Variants in DPP10 observed in about 807,000 individuals in gnomAD.
The protein encoded by DPP10 is dipeptidyl peptidase like 10, also known as inactive dipeptidyl peptidase 10.
DPP10 carries 33 observed loss-of-function variants against 120.9 expected under a neutral mutation model. The ratio of observed to expected loss-of-function variants is 0.27; its 90% confidence interval spans 0.21 to 0.37. DPP10 has a LOEUF of 0.37. DPP10 is among the 10% of genes least tolerant of loss of function. DPP10 has a pLI of 1.00. For missense variants in DPP10, 816 were observed against 942.8 expected (o/e 0.87, Z 1.76); for synonymous variants, 337 against 326.1 (o/e 1.03, Z -0.36).
chr2:114,901,799 T>G (rs1303976835), intron 1 of DPP10, among the ~76,000 whole-genome samples: 3 of 152,144 alleles, frequency 2.0e-5, no homozygotes, highest in Non-Finnish European at 4.4e-5. Context: ...AACCTTAAGC[T>G]CTTTCTTCAA....
intron 3 of DPP10, among the ~76,000 whole-genome samples, chr2:115,441,897 C>A: frequency 6.7e-6 from 1 of 148,902 alleles, no homozygotes. Flanking sequence ...CTCACTTCAA[C>A]CTCCACTTCC....
At chr2:115,432,079 C>G (rs1007577693) in intron 3 of DPP10, among the ~76,000 whole-genome samples, 1 of 151,996 alleles carries the variant, frequency 6.6e-6, no homozygotes, top group Non-Finnish European at 1.5e-5. Context: ...AAAAGCAAAC[C>G]AAACAGAATT....
chr2:115,332,016 T>G, intron 2 of DPP10, among the ~76,000 whole-genome samples: 1 of 152,210 alleles, frequency 6.6e-6, no homozygotes, highest in East Asian at 1.9e-4. Flanking sequence ...CTTCTCCTTG[T>G]ACGTCTGGTA....
At chr2:115,010,710 C>T (rs771146926) in intron 1 of DPP10, among the ~76,000 whole-genome samples, 35 of 152,248 alleles carry the variant, frequency 2.3e-4, no homozygotes, top group Non-Finnish European at 4.3e-4. Flanking sequence ...CTCCAAAAAT[C>T]CATCATTTTA....
chr2:115,675,633 C>G (rs1480798964), intron 5 of DPP10, among the ~76,000 whole-genome samples: 1 of 152,142 alleles, frequency 6.6e-6, no homozygotes, highest in Non-Finnish European at 1.5e-5. Flanking sequence ...GCCCCAAAGC[C>G]CACATTTTGA....
intron 15 of DPP10, among the ~76,000 whole-genome samples, chr2:115,778,111 C>A (rs1391283935): frequency 6.6e-6 from 1 of 152,078 alleles, no homozygotes; most frequent in Non-Finnish European, 1.5e-5. Flanking sequence ...TTATTTCTCT[C>A]AACTCTCCAC....
chr2:115,374,432 G>A (rs1328372181), intron 3 of DPP10, among the ~76,000 whole-genome samples: 1 of 152,190 alleles, frequency 6.6e-6, no homozygotes, highest in South Asian at 2.1e-4. Flanking sequence ...TCATAGGCTG[G>A]CAATGAGTGC....
intron 1 of DPP10, among the ~76,000 whole-genome samples, chr2:115,281,866 T>C (rs2060170629): frequency 6.6e-6 from 1 of 152,118 alleles, no homozygotes; most frequent in Non-Finnish European, 1.5e-5. Flanking sequence ...TATAATAAAA[T>C]ATTTAAAAAT....
At chr2:115,776,923 C>G (rs1339327272) in intron 13 of DPP10, among the ~76,000 whole-genome samples, 1 of 151,832 alleles carries the variant, frequency 6.6e-6, no homozygotes, top group East Asian at 1.9e-4. Flanking sequence ...TGATTAAAGT[C>G]CTACCTTGGA....
At chr2:114,669,484 G>A (rs983505188) in intron 1 of DPP10, among the ~76,000 whole-genome samples, 8 of 152,044 alleles carry the variant, frequency 5.3e-5, no homozygotes, top group African/African-American at 1.7e-4. Context: ...AAGGAGTTAC[G>A]TCTTTCTGTA....
intron 7 of DPP10, among the ~76,000 whole-genome samples, chr2:115,694,724 G>GA (rs2091490038): frequency 6.6e-6 from 1 of 152,164 alleles, no homozygotes. Context: ...CTAGTCTATT[G>GA]AAAGTGTGTA....
intron 19 of DPP10, among the ~76,000 whole-genome samples, chr2:115,792,596 G>A (rs1453598108): frequency 6.6e-6 from 1 of 151,966 alleles, no homozygotes; most frequent in Non-Finnish European, 1.5e-5. Context: ...CCTTGAGGAA[G>A]TTCTTATTTG....
intron 1 of DPP10, among the ~76,000 whole-genome samples, chr2:114,829,964 C>G (rs760654092): frequency 6.6e-6 from 1 of 152,034 alleles, no homozygotes; most frequent in Non-Finnish European, 1.5e-5. Context: ...CTGTCTTGAA[C>G]CCACCCATTT....
chr2:114,510,680 A>G (rs1004684299), intron 1 of DPP10, among the ~76,000 whole-genome samples: 2 of 151,674 alleles, frequency 1.3e-5, no homozygotes, highest in African/African-American at 4.9e-5. Context: ...AAGCCTGCTG[A>G]TATAGAGCAG....
chr2:115,786,828 G>A (rs1245164943), intron 17 of DPP10, among the ~76,000 whole-genome samples: 1 of 152,212 alleles, frequency 6.6e-6, no homozygotes, highest in East Asian at 1.9e-4. Flanking sequence ...AACTGGAAAT[G>A]AAGAAGCCAC....
intron 3 of DPP10, among the ~76,000 whole-genome samples, chr2:115,376,500 G>C (rs997186720): frequency 6.6e-6 from 1 of 151,006 alleles, no homozygotes; most frequent in South Asian, 2.1e-4. Context: ...AATTTCACCA[G>C]TGGACACTTG....
chr2:114,666,938 C>G lies in DPP10; in HGVS notation c.60+224100C>G, dbSNP rs182851806. Among the ~76,000 whole-genome samples the G allele has an allele frequency of 9.8e-4, 149 of 152,248 alleles. 1 individual carries two copies. The highest frequency in any genetic ancestry group is 2.4e-3 in the Admixed American group (37 of 15,286). On this transcript the variant is annotated intron_variant, in intron 1 of 25. Coordinates refer to ENST00000410059, the MANE Select transcript of DPP10 (RefSeq NM_020868.6). ...CTTTTTACTTTTTTCTATTTTCAAG[C>G]ATTCTCTTGTCTAGGAGTTAGGGAA...
At chr2:114,752,444 G>T (rs1038168552) in intron 1 of DPP10, among the ~76,000 whole-genome samples, 1 of 152,138 alleles carries the variant, frequency 6.6e-6, no homozygotes, top group African/African-American at 2.4e-5. Flanking sequence ...TTAGAGCCTC[G>T]AATTAAAAAC....
chr2:115,243,409 A>T (rs1340031749), intron 1 of DPP10, among the ~76,000 whole-genome samples: 1 of 152,068 alleles, frequency 6.6e-6, no homozygotes, highest in Non-Finnish European at 1.5e-5. Context: ...CTAAAATAAA[A>T]CTATGCTTAG....
Sources: allele counts gnomAD v4.1 joint callset (sites outside exome capture counted in the v4.1 genomes callset), GRCh38; gene constraint gnomAD v4.1.1; transcripts MANE v1.5; gene names NCBI Gene and HGNC (gene_info 2026-07-23, HGNC 2026-07-21).